PADI4: variants seen among roughly 807,000 people sequenced by gnomAD.
PADI4 encodes the protein protein-arginine deiminase type-4.
In PADI4, 62 loss-of-function variants were observed where a neutral mutation model predicts 75.0. The observed-to-expected ratio is 0.83, with a 90% CI of 0.67 to 1.02. The LOEUF is 1.02. PADI4 is among the 50% of genes least tolerant of loss of function. The probability of loss-of-function intolerance (pLI) is 0.00; values close to 1 mark genes in which losing one functional copy is unlikely to be tolerated. For synonymous variants in PADI4, 361 were observed against 348.1 expected, an observed-to-expected ratio of 1.04 and a Z score of -0.41; for missense variants, 845 against 850.5, an observed-to-expected ratio of 0.99 and a Z score of 0.08.
In PADI4 at chr1:17,351,967, CCAGGGAGG is replaced by C. The variant is rs1557576144; in HGVS notation, c.1156-2565_1156-2558del. Among the ~76,000 whole-genome samples, 78 of 48,514 alleles carry C rather than the reference CCAGGGAGG, an allele frequency of 1.6e-3. 1 individual carries two copies. Among genetic ancestry groups the C allele is most frequent in the Non-Finnish European group, 2.6e-3 (67 of 25,910 alleles). The allele number at this position is 48,514 out of a possible 152,430, so 31.8% of individuals were successfully genotyped here. A position where few individuals can be genotyped will look rare whatever the true frequency, so the allele number is the denominator to read the frequency against. On this transcript the variant is annotated intron_variant, in intron 10 of 15. Transcript: ENST00000375448. ...TGATGGGAGGTGGGAGGAGAGGCGG[CCAGGGAGG>C]TGATGGGAGGAGAGGCAGTCAGGGA...
chr1:17,359,534 C>T (rs573286908), intron 15 of PADI4, 126 bp downstream of exon 15: 12 of 1,317,496 alleles, frequency 9.1e-6, no homozygotes, highest in Middle Eastern at 2.4e-4. Context: ...GTAGCTTTGT[C>T]CTGAGTGGTA....
intron 1 of PADI4, among the ~76,000 whole-genome samples, chr1:17,310,624 C>CAA: frequency 6.7e-6 from 1 of 149,990 alleles, no homozygotes; most frequent in Non-Finnish European, 1.5e-5. Context: ...GACTCTGTCT[C>CAA]AAAAAAAAAG....
intron 1 of PADI4, among the ~76,000 whole-genome samples, chr1:17,318,118 C>T (rs2073971181): frequency 6.6e-6 from 1 of 152,210 alleles, no homozygotes; most frequent in Non-Finnish European, 1.5e-5. Flanking sequence ...AACAAATTCC[C>T]CAGTGAGGCA....
At position 17,341,937 on chromosome 1, in the gene PADI4, T is replaced by A. The variant is rs1557564369; in HGVS notation, c.653-6T>A. 6.2e-7 allele frequency: 1 copy of A among 1,611,950 alleles called. No homozygotes were observed. Among genetic ancestry groups the A allele is most frequent in the South Asian group, 1.1e-5 (1 of 90,918 alleles). ...CAGACCTGAGTCTCCCCTGCCTCTCTCCTAGGGGGCAAACTGTCCTCCAAG... is the reference window on the plus strand; with the variant it reads ...CAGACCTGAGTCTCCCCTGCCTCTCACCTAGGGGGCAAACTGTCCTCCAAG... On this transcript the variant is annotated splice_polypyrimidine_tract_variant and splice_region_variant and intron_variant, in intron 6 of 15. Coordinates refer to ENST00000375448, the MANE Select transcript of PADI4 (RefSeq NM_012387.3).
At position 17,311,691 on chromosome 1, in the gene PADI4, A is replaced by AT. The variant is rs58099264; in HGVS notation, c.92+3384dup. 1.4e-4 allele frequency among the ~76,000 whole-genome samples: 21 copies of AT among 151,930 alleles called. 1 individual carries two copies. The South Asian group carries it at 3.1e-3, about 23-fold the overall frequency. ...AGGCGCCTGCCACCATGCCTGGCTA[A>AT]TTTTTTTGTATTTTCAGTAGAGACG... On this transcript the variant is annotated intron_variant, in intron 1 of 15. Transcript: ENST00000375448.
chr1:17,331,221 C>T (rs911684208), intron 2 of PADI4, 72 bp downstream of exon 2: 85 of 1,312,342 alleles, frequency 6.5e-5, no homozygotes, highest in Non-Finnish European at 3.5e-5. Context: ...TCTGTCCTGC[C>T]GTGATCCACA....
chr1:17,331,198 C>G, intron 2 of PADI4, 49 bp downstream of exon 2: 1 of 1,474,328 alleles, frequency 6.8e-7, no homozygotes. Context: ...TTCAGCAGGG[C>G]AGCCACACAC....
intron 10 of PADI4, among the ~76,000 whole-genome samples, chr1:17,353,124 G>A (rs757940033): frequency 6.6e-6 from 1 of 152,132 alleles, no homozygotes; most frequent in South Asian, 2.1e-4. Context: ...GTTGGTCTGG[G>A]TTTTAGAGAG....
Position 17,346,190 on chromosome 1 carries a change from C to A in PADI4, c.1047+51C>A. ...GTGACTGTCCCTGAGGGCCAAGAGACACTTGGGGGACCCGGGCTCCTGGGG... is the reference window on the plus strand; with the variant it reads ...GTGACTGTCCCTGAGGGCCAAGAGAAACTTGGGGGACCCGGGCTCCTGGGG... On this transcript the variant is annotated intron_variant, in intron 9 of 15. Transcript: ENST00000375448. The surrounding 1 kb of genome is among the most constrained non-coding windows in gnomAD (Gnocchi z 4.3). 1 of 1,229,618 alleles carries A rather than the reference C, an allele frequency of 8.1e-7. No homozygotes were observed. Among genetic ancestry groups the A allele is most frequent in the Non-Finnish European group, 1.2e-6 (1 of 837,490 alleles). 76.2% of individuals were successfully genotyped at this position (1,229,618 alleles called of 1,614,324 possible). A position where few individuals can be genotyped will look rare whatever the true frequency, so the allele number is the denominator to read the frequency against.
intron 9 of PADI4, among the ~76,000 whole-genome samples, chr1:17,347,532 G>C (rs916786078): frequency 1.3e-5 from 2 of 152,082 alleles, no homozygotes; most frequent in African/African-American, 4.8e-5. Context: ...GGTCTTCTCT[G>C]GCCCATCCTA....
Position 17,346,281 on chromosome 1 carries a change from C to T in PADI4, c.1047+142C>T. 1.6e-6 allele frequency: 1 copy of T among 606,178 alleles called. No homozygotes were observed. The highest frequency in any genetic ancestry group is 3.0e-6 in the Non-Finnish European group (1 of 335,414). The allele number at this position is 606,178 out of a possible 1,614,324, so 37.5% of individuals were successfully genotyped here. Reference sequence around the variant, plus strand: ...CAGGGAGATAGGAACCTGAGAGATCCTTGGGCCGGGAGGCTCAAGCAAGTG... The same window carrying T: ...CAGGGAGATAGGAACCTGAGAGATCTTTGGGCCGGGAGGCTCAAGCAAGTG... On this transcript the variant is annotated intron_variant, in intron 9 of 15. Transcript: ENST00000375448. The surrounding 1 kb of genome is among the most constrained non-coding windows in gnomAD (Gnocchi z 4.3).
chr1:17,357,775 A>G (rs1400530182), intron 13 of PADI4, among the ~76,000 whole-genome samples: 2 of 151,564 alleles, frequency 1.3e-5, no homozygotes, highest in East Asian at 2.0e-4. Context: ...TACTAAAAAT[A>G]CAAAAATTAG....
chr1:17,337,945 A>T, intron 4 of PADI4, 93 bp from the exon 5 acceptor site: 1 of 551,206 alleles, frequency 1.8e-6, no homozygotes, highest in Non-Finnish European at 3.2e-6. Context: ...ATAAATTTTA[A>T]AAAAGAGGTG....
intron 1 of PADI4, among the ~76,000 whole-genome samples, chr1:17,329,150 C>T (rs2074164923): frequency 6.7e-6 from 1 of 150,328 alleles, no homozygotes; most frequent in Non-Finnish European, 1.5e-5. Flanking sequence ...TTAACAGTTA[C>T]AACTGACCCT....
intron 1 of PADI4, among the ~76,000 whole-genome samples, chr1:17,321,671 G>A (rs1051614340): frequency 5.3e-5 from 8 of 152,194 alleles, no homozygotes; most frequent in African/African-American, 1.7e-4. Context: ...GACCTCTTAG[G>A]TTCTTCAAAG....
chr1:17,333,988 C>T lies in PADI4; in HGVS notation c.319C>T (p.Leu107=), dbSNP rs2100711980. The change falls in exon 3 of 16, where the codon CTA becomes TTA. Residue 107 remains leucine (L), a synonymous_variant. Coordinates refer to ENST00000375448, the MANE Select transcript of PADI4 (RefSeq NM_012387.3). ...YGPKTPPVKA[L]LYLTGVEISL... is the part of the protein sequence containing the mutation. ...ACCCAAGACTCCACCAGTCAAAGCT[C>T]TACTCTACCTCACCGGGGTGGGTAA... is the stretch of plus-strand genomic sequence containing the variant. 6.2e-7 allele frequency: 1 copy of T among 1,612,666 alleles called. No individual in the cohort carries two copies. Among genetic ancestry groups the T allele is most frequent in the East Asian group, 2.2e-5 (1 of 44,854 alleles).
chr1:17,328,777 T>C (rs952106485), intron 1 of PADI4, among the ~76,000 whole-genome samples: 4 of 152,128 alleles, frequency 2.6e-5, no homozygotes, highest in Non-Finnish European at 5.9e-5. Context: ...GCCTTTTTTA[T>C]CCCACAGTTT....
chr1:17,315,426 G>A (rs2100657218), intron 1 of PADI4, among the ~76,000 whole-genome samples: 1 of 152,286 alleles, frequency 6.6e-6, no homozygotes, highest in South Asian at 2.1e-4. Flanking sequence ...GGACGTACTT[G>A]GCACTCAGCT....
chr1:17,316,665 G>A (rs2073942256), intron 1 of PADI4, among the ~76,000 whole-genome samples: 2 of 151,222 alleles, frequency 1.3e-5, no homozygotes, highest in African/African-American at 4.9e-5. Flanking sequence ...ACTCGAGCCT[G>A]GGAGACAGAG....
Sources: gnomAD v4.1 joint callset for allele counts (sites outside exome capture counted in the v4.1 genomes callset) on GRCh38, gnomAD v4.1.1 for gene constraint, Gnocchi (gnomAD v3.1) non-coding constraint, MANE v1.5 for transcripts, NCBI Gene and HGNC (gene_info 2026-07-23, HGNC 2026-07-21) for gene names.